MROH2B: variants seen among roughly 807,000 people sequenced by gnomAD.
The protein encoded by MROH2B is maestro heat-like repeat-containing protein family member 2B.
In MROH2B, 177 loss-of-function variants were observed where a neutral mutation model predicts 208.6. The ratio of observed to expected loss-of-function variants is 0.85; its 90% CI spans 0.75 to 0.96. MROH2B has a LOEUF of 0.96. MROH2B is among the 40% of genes least tolerant of loss of function. The pLI is 0.00. For missense variants in MROH2B, 2,002 were observed against 1,878.7 expected (o/e 1.07, Z -1.21); for synonymous variants, 728 against 659.0 (o/e 1.10, Z -1.60).
chr5:41,048,973 T>G, intron 15 of MROH2B, 128 bp downstream of exon 15: 2 of 872,604 alleles, frequency 2.3e-6, no homozygotes, highest in Non-Finnish European at 3.5e-6. Flanking sequence ...AGCAGAAAAT[T>G]TATTATGCCT....
At chr5:41,069,622 A>G (rs1743920375) in intron 2 of MROH2B, 69 bp downstream of exon 2, 1 of 1,283,192 alleles carries the variant, frequency 7.8e-7, no homozygotes, top group African/African-American at 1.5e-5. Context: ...GAGACAAAGA[A>G]AAATATATAC....
At chr5:41,031,536 A>AT (rs1347240028) in intron 24 of MROH2B, among the ~76,000 whole-genome samples, 1 of 152,064 alleles carries the variant, frequency 6.6e-6, no homozygotes, top group African/African-American at 2.4e-5. Flanking sequence ...TTTTTAAAAA[A>AT]TTTTTGTGAT....
At chr5:41,014,404 AGGAAG>A (rs1579911320) in intron 29 of MROH2B, among the ~76,000 whole-genome samples, 1 of 152,146 alleles carries the variant, frequency 6.6e-6, no homozygotes, top group East Asian at 1.9e-4. Context: ...ACATGGACAC[AGGAAG>A]GGGAACATCA....
intron 37 of MROH2B, among the ~76,000 whole-genome samples, chr5:41,003,274 G>T (rs180701405): frequency 1.3e-5 from 2 of 152,066 alleles, no homozygotes; most frequent in African/African-American, 4.8e-5. Context: ...AAGTGATATT[G>T]GTTAATTGGA....
intron 24 of MROH2B, among the ~76,000 whole-genome samples, chr5:41,031,471 C>T (rs987351982): frequency 6.6e-6 from 1 of 152,074 alleles, no homozygotes; most frequent in Non-Finnish European, 1.5e-5. Context: ...CAAACCACAT[C>T]AAGGAAATAG....
At chr5:41,021,150 T>C (rs1742134452) in intron 24 of MROH2B, among the ~76,000 whole-genome samples, 2 of 152,314 alleles carry the variant, frequency 1.3e-5, no homozygotes, top group Admixed American at 6.5e-5. Flanking sequence ...ATACAACTGA[T>C]TTGTTAAGAA....
intron 30 of MROH2B, among the ~76,000 whole-genome samples, chr5:41,012,080 T>G (rs1741791593): frequency 6.6e-6 from 1 of 152,224 alleles, no homozygotes; most frequent in Non-Finnish European, 1.5e-5. Context: ...TGAATTTAAA[T>G]CCTGTTCACT....
intron 24 of MROH2B, among the ~76,000 whole-genome samples, chr5:41,021,313 C>A (rs777898476): frequency 6.6e-6 from 1 of 152,134 alleles, no homozygotes; most frequent in Non-Finnish European, 1.5e-5. Context: ...GAATGACATC[C>A]TTTGTTCACG....
chr5:41,005,051 G>A, intron 35 of MROH2B, 131 bp from the exon 36 acceptor site: 1 of 1,254,146 alleles, frequency 8.0e-7, no homozygotes, highest in Non-Finnish European at 1.1e-6. Context: ...GAAGCCCTCT[G>A]GTGAACCAGC....
At chr5:41,024,405 C>T (rs923580151) in intron 24 of MROH2B, among the ~76,000 whole-genome samples, 2 of 152,024 alleles carry the variant, frequency 1.3e-5, no homozygotes, top group African/African-American at 4.8e-5. Context: ...ATAAAACAGA[C>T]TTTAAACCAA....
At chr5:40,998,525 G>C (rs1741281254) in intron 41 of MROH2B, 87 bp downstream of exon 41, 2 of 1,099,170 alleles carry the variant, frequency 1.8e-6, no homozygotes, top group Non-Finnish European at 2.7e-6. Flanking sequence ...TTCAAGTTCT[G>C]GGCTGACGTG....
At chr5:41,037,615 G>A (rs1742806553) in intron 21 of MROH2B, among the ~76,000 whole-genome samples, 1 of 152,126 alleles carries the variant, frequency 6.6e-6, no homozygotes, top group Non-Finnish European at 1.5e-5. Flanking sequence ...GAATAAATGT[G>A]AAGAGCACTT....
At chr5:41,057,015 G>A in intron 9 of MROH2B, 94 bp downstream of exon 9, 2 of 1,226,208 alleles carry the variant, frequency 1.6e-6, no homozygotes, top group Non-Finnish European at 2.4e-6. Flanking sequence ...GTGTGTGAAA[G>A]TAAGTTAATG....
At chr5:41,054,345 G>A (rs1743379818) in intron 11 of MROH2B, among the ~76,000 whole-genome samples, 1 of 152,204 alleles carries the variant, frequency 6.6e-6, no homozygotes, top group African/African-American at 2.4e-5. Context: ...TCTAGGTAGA[G>A]TCTGGTTGGA....
At chr5:41,022,648 G>A (rs1742191757) in intron 24 of MROH2B, among the ~76,000 whole-genome samples, 1 of 152,216 alleles carries the variant, frequency 6.6e-6, no homozygotes, top group African/African-American at 2.4e-5. Flanking sequence ...ACAAAAGGCA[G>A]CAGAAACCTC....
At position 41,036,870 on chromosome 5, in the gene MROH2B, A is replaced by G. The variant is rs536863703; in HGVS notation, c.2214+1866T>C. Among the ~76,000 whole-genome samples the G allele has an allele frequency of 2.0e-5, 3 of 152,318 alleles. No homozygotes were observed. In the South Asian group the frequency reaches 6.2e-4, roughly 32 times the overall value. ...TCCAGGAGGGGCTTCTAAACTAAAAAGAGTGTATCACTGATGGAGTTTTTT... is the reference window on the plus strand; with the variant it reads ...TCCAGGAGGGGCTTCTAAACTAAAAGGAGTGTATCACTGATGGAGTTTTTT... On this transcript the variant is annotated intron_variant, in intron 21 of 41. Transcript: ENST00000399564.
Position 41,008,745 on chromosome 5 carries a change from C to CG in MROH2B, c.3468dup (p.Gly1157ArgfsTer15), listed in dbSNP as rs747997886. On this transcript the variant is annotated frameshift_variant, in exon 33 of 42. Coordinates refer to ENST00000399564, the MANE Select transcript of MROH2B (RefSeq NM_173489.5). LOFTEE classifies it high-confidence loss of function. ...AGAGTGAACAGCTCTGGATACAAGC[C>CG]GGTGACAGAGGTGCCCATTGAGATC... is the stretch of plus-strand genomic sequence containing the variant. The CG allele has an allele frequency of 1.7e-5, 28 of 1,613,632 alleles. No individual in the cohort carries two copies. The African/African-American group carries it at 3.6e-4, about 21-fold the overall frequency.
intron 17 of MROH2B, among the ~76,000 whole-genome samples, chr5:41,047,509 C>G (rs1045570183): frequency 6.6e-6 from 1 of 152,118 alleles, no homozygotes; most frequent in Non-Finnish European, 1.5e-5. Context: ...CTGTCTGAAA[C>G]TGAATCAAGT....
intron 18 of MROH2B, 89 bp from the exon 19 acceptor site, chr5:41,042,297 A>G: frequency 1.3e-6 from 1 of 773,244 alleles, no homozygotes; most frequent in South Asian, 1.7e-5. Flanking sequence ...AATCATCTGA[A>G]GGAAAGAAAT....
Sources: allele counts gnomAD v4.1 joint callset (sites outside exome capture counted in the v4.1 genomes callset), GRCh38; gene constraint gnomAD v4.1.1; transcripts MANE v1.5; gene names NCBI Gene and HGNC (gene_info 2026-07-23, HGNC 2026-07-21).